The following ANKRD12 variants were observed in gnomAD, a reference collection of about 807,000 sequenced individuals.
ANKRD12 encodes the protein ankyrin repeat domain 12.
In ANKRD12, 85 loss-of-function variants were observed where a neutral mutation model predicts 183.4. That is an observed-to-expected ratio of 0.46 (90% CI 0.39 to 0.56). The LOEUF (loss-of-function observed/expected upper bound fraction) is 0.56. Among genes scored for constraint, ANKRD12 ranks in the 20% least tolerant of loss-of-function variants. The probability of loss-of-function intolerance (pLI) is 0.00; values close to 1 mark genes in which losing one functional copy is unlikely to be tolerated. For synonymous variants in ANKRD12, 914 were observed against 800.2 expected, an observed-to-expected ratio of 1.14 and a Z score of -2.40; for missense variants, 2,405 against 2,357.1, an observed-to-expected ratio of 1.02 and a Z score of -0.42.
intron 4 of ANKRD12, among the ~76,000 whole-genome samples, chr18:9,207,065 AT>A (rs1467277504): frequency 6.6e-6 from 1 of 152,084 alleles, no homozygotes; most frequent in Non-Finnish European, 1.5e-5. Flanking sequence ...ATAGTTAAAG[AT>A]TTGTTATTCA....
intron 5 of ANKRD12, 28 bp from the exon 6 acceptor site, chr18:9,211,556 C>T (rs367715555): frequency 1.9e-4 from 304 of 1,593,208 alleles, no homozygotes; most frequent in Middle Eastern, 5.0e-4. Context: ...TAGCCTAGAA[C>T]TTCTGCTAAC....
Position 9,230,367 on chromosome 18 carries a change from CTTAG to C in ANKRD12, c.943+8374_943+8377del, listed in dbSNP as rs370577633. The stretch of plus-strand genomic sequence containing the variant: ...TGATTTTGTTTGGATCTCCTTTCTT[CTTAG>C]TTAGTCTAGTTAGCAGTTTATCTTT... On this transcript the variant is annotated intron_variant, in intron 8 of 12. Coordinates refer to ENST00000262126, the MANE Select transcript of ANKRD12 (RefSeq NM_015208.5). Among the ~76,000 whole-genome samples, 439 of 152,104 alleles carry C rather than the reference CTTAG, an allele frequency of 2.9e-3. 4 individuals carry two copies. Among genetic ancestry groups the C allele is most frequent in the African/African-American group, 9.5e-3 (394 of 41,522 alleles).
chr18:9,279,759 G>T, intron 12 of ANKRD12, 115 bp downstream of exon 12: 1 of 608,056 alleles, frequency 1.6e-6, no homozygotes, highest in Non-Finnish European at 2.9e-6. Flanking sequence ...GGTTAGTCAT[G>T]AATCCTCACA....
At chr18:9,166,565 G>GATGT (rs1179469065) in intron 1 of ANKRD12, among the ~76,000 whole-genome samples, 10 of 151,946 alleles carry the variant, frequency 6.6e-5, no homozygotes, top group African/African-American at 2.4e-4. Flanking sequence ...TGTTGATGGG[G>GATGT]TTGTTTTTTT....
At chr18:9,248,063 C>G (rs1412145575) in intron 8 of ANKRD12, among the ~76,000 whole-genome samples, 2 of 152,374 alleles carry the variant, frequency 1.3e-5, no homozygotes, top group African/African-American at 2.4e-5. Flanking sequence ...GCTGGGATTA[C>G]AGGCATGAGC....
In ANKRD12 at chr18:9,277,549, G is replaced by T. The variant is rs569550105; in HGVS notation, c.5907+1882G>T. Among the ~76,000 whole-genome samples the T allele has an allele frequency of 4.6e-5, 7 of 151,660 alleles. No homozygotes were observed. In the East Asian group the frequency reaches 1.4e-3, roughly 29 times the overall value. Reference sequence around the variant, plus strand: ...TCACCATGTTAGCCAGGATGGTCTCGATCTCCTGACCTCGTGATCCACCCG... The same window carrying T: ...TCACCATGTTAGCCAGGATGGTCTCTATCTCCTGACCTCGTGATCCACCCG... On this transcript the variant is annotated intron_variant, in intron 11 of 12. Transcript: ENST00000262126.
rs1042036348 is a variant in ANKRD12, at chr18:9,285,845, G to T, written c.*4719G>T. On this transcript the variant is annotated 3_prime_UTR_variant, in exon 13 of 13. Coordinates refer to ENST00000262126, the MANE Select transcript of ANKRD12 (RefSeq NM_015208.5). The stretch of plus-strand genomic sequence containing the variant: ...ACATGATGTTTTGAAATTCATCCAT[G>T]TTGCACCTAACAGTAATGAGTCGTA... The T allele has an allele frequency of 5.3e-5, 8 of 152,074 alleles. No homozygotes were observed. The highest frequency in any genetic ancestry group is 3.3e-4 in the Admixed American group (5 of 15,250). The allele number at this position is 152,074 out of a possible 1,614,324, so 9.4% of individuals were successfully genotyped here.
chr18:9,270,760 AG>A (rs1160860081), intron 10 of ANKRD12, among the ~76,000 whole-genome samples: 10 of 152,312 alleles, frequency 6.6e-5, no homozygotes, highest in African/African-American at 2.4e-4. Flanking sequence ...AAAACTTAAA[AG>A]TATAATATAA....
intron 1 of ANKRD12, among the ~76,000 whole-genome samples, chr18:9,176,438 A>G (rs534755206): frequency 3.3e-5 from 5 of 151,866 alleles, no homozygotes; most frequent in African/African-American, 9.6e-5. Context: ...CTACAGGCAC[A>G]TACCACCATG....
intron 6 of ANKRD12, 49 bp downstream of exon 6, chr18:9,211,833 A>AGATCCT (rs766905410): frequency 7.1e-7 from 1 of 1,416,724 alleles, no homozygotes; most frequent in African/African-American, 1.4e-5. Flanking sequence ...AAATTTAAAC[A>AGATCCT]GATCCTGGTT....
chr18:9,174,343 C>G (rs1041408206), intron 1 of ANKRD12, among the ~76,000 whole-genome samples: 3 of 152,198 alleles, frequency 2.0e-5, no homozygotes, highest in Non-Finnish European at 2.9e-5. Flanking sequence ...AGCCCTCTTC[C>G]TAGGGGAGGA....
chr18:9,145,207 C>CA (rs1489846498), intron 1 of ANKRD12, among the ~76,000 whole-genome samples: 1 of 152,180 alleles, frequency 6.6e-6, no homozygotes, highest in Non-Finnish European at 1.5e-5. Flanking sequence ...ACTACAGCCT[C>CA]AAACTTCTGG....
At chr18:9,173,888 TAATAAG>T (rs1352975671) in intron 1 of ANKRD12, among the ~76,000 whole-genome samples, 1 of 152,086 alleles carries the variant, frequency 6.6e-6, no homozygotes, top group Non-Finnish European at 1.5e-5. Context: ...TATAAAAAAA[TAATAAG>T]AAGAAGAAAG....
intron 3 of ANKRD12, among the ~76,000 whole-genome samples, chr18:9,196,751 T>C (rs1163309029): frequency 6.6e-6 from 1 of 152,210 alleles, no homozygotes; most frequent in Non-Finnish European, 1.5e-5. Context: ...ATGACATTTT[T>C]AAACTTTGAA....
intron 10 of ANKRD12, among the ~76,000 whole-genome samples, chr18:9,270,078 A>C (rs977333268): frequency 6.6e-6 from 1 of 152,218 alleles, no homozygotes; most frequent in African/African-American, 2.4e-5. Context: ...ATCTCACACC[A>C]GTTAGAATGG....
At chr18:9,244,078 G>C (rs979959084) in intron 8 of ANKRD12, among the ~76,000 whole-genome samples, 1 of 152,218 alleles carries the variant, frequency 6.6e-6, no homozygotes, top group African/African-American at 2.4e-5. Context: ...AGGTTACAGT[G>C]AGCCGAGGTC....
rs913785820 is a variant in ANKRD12, at chr18:9,283,001, G to T, written c.*1875G>T. 6.6e-6 allele frequency: 1 copy of T among 152,512 alleles called. No homozygotes were observed. Among genetic ancestry groups the T allele is most frequent in the African/African-American group, 2.4e-5 (1 of 41,402 alleles). 9.4% of individuals were successfully genotyped at this position (152,512 alleles called of 1,614,324 possible). A position where few individuals can be genotyped will look rare whatever the true frequency, so the allele number is the denominator to read the frequency against. On this transcript the variant is annotated 3_prime_UTR_variant, in exon 13 of 13. Transcript: ENST00000262126. The stretch of plus-strand genomic sequence containing the variant: ...TAGATTTCGAAGCACTGGTTCTGTT[G>T]AAGTTAAGTTTATTAAGCCTGGGAA...
intron 10 of ANKRD12, among the ~76,000 whole-genome samples, chr18:9,267,275 T>C (rs147267767): frequency 0.014 from 2,130 of 152,220 alleles, 57 homozygotes; most frequent in African/African-American, 0.048. Flanking sequence ...GCGGACCTCA[T>C]AGACATTTAC....
intron 10 of ANKRD12, among the ~76,000 whole-genome samples, chr18:9,269,207 A>C (rs2039467293): frequency 6.6e-6 from 1 of 152,212 alleles, no homozygotes; most frequent in East Asian, 1.9e-4. Context: ...AAGGTAATTT[A>C]TAGATCAATG....
Sources: gnomAD v4.1 joint callset for allele counts (sites outside exome capture counted in the v4.1 genomes callset) on GRCh38, gnomAD v4.1.1 for gene constraint, MANE v1.5 for transcripts, NCBI Gene and HGNC (gene_info 2026-07-23, HGNC 2026-07-21) for gene names.